Variants in ABLIM1 observed in about 807,000 individuals in gnomAD.
The protein encoded by ABLIM1 is actin binding LIM protein 1.
ABLIM1 carries 40 observed loss-of-function variants against 107.0 expected under a neutral mutation model. The ratio of observed to expected loss-of-function variants is 0.37; its 90% CI spans 0.29 to 0.49. The LOEUF (loss-of-function observed/expected upper bound fraction) is 0.49. Among genes scored for constraint, ABLIM1 ranks in the 20% least tolerant of loss-of-function variants. ABLIM1 has a pLI of 0.97. For synonymous variants in ABLIM1, 357 were observed against 357.3 expected (o/e 1.00, Z 0.01); for missense variants, 857 against 1,008.5 (o/e 0.85, Z 2.04).
intron 6 of ABLIM1, among the ~76,000 whole-genome samples, chr10:114,532,332 C>T (rs749262505): frequency 1.3e-5 from 2 of 152,204 alleles, no homozygotes; most frequent in African/African-American, 2.4e-5. Context: ...CAGTTCATTT[C>T]CGCTGGGCTG....
intron 8 of ABLIM1, among the ~76,000 whole-genome samples, chr10:114,474,582 G>A (rs1020898014): frequency 9.2e-5 from 14 of 151,986 alleles, no homozygotes; most frequent in African/African-American, 1.9e-4. Flanking sequence ...GGGTTTCACC[G>A]TGTTAGCCAG....
chr10:114,737,978 TA>T (rs765180292), intron 1 of ABLIM1, among the ~76,000 whole-genome samples: 45 of 152,196 alleles, frequency 3.0e-4, no homozygotes, highest in Non-Finnish European at 5.7e-4. Flanking sequence ...AAAAATTTAC[TA>T]AAACCCATCA....
At chr10:114,636,713 T>A (rs751418030) in intron 1 of ABLIM1, among the ~76,000 whole-genome samples, 6 of 151,594 alleles carry the variant, frequency 4.0e-5, no homozygotes, top group Admixed American at 2.6e-4. Context: ...GCAAGGAGGG[T>A]TTCATTCACA....
intron 1 of ABLIM1, among the ~76,000 whole-genome samples, chr10:114,700,434 C>A (rs751104472): frequency 2.0e-5 from 3 of 151,800 alleles, no homozygotes; most frequent in Non-Finnish European, 4.4e-5. Flanking sequence ...AGTTGACAAA[C>A]TGGTTTTAAA....
intron 2 of ABLIM1, among the ~76,000 whole-genome samples, chr10:114,587,555 T>C (rs551366818): frequency 5.3e-5 from 8 of 152,314 alleles, no homozygotes; most frequent in African/African-American, 1.4e-4. Flanking sequence ...TTCTAATTAA[T>C]GTTTAAAGTG....
chr10:114,715,213 A>G (rs1414688904), intron 1 of ABLIM1, among the ~76,000 whole-genome samples: 6 of 152,188 alleles, frequency 3.9e-5, no homozygotes, highest in African/African-American at 1.2e-4. Flanking sequence ...CTAAGGGCCA[A>G]AGGAATTAAA....
chr10:114,498,294 T>A (rs561733628), intron 6 of ABLIM1, among the ~76,000 whole-genome samples: 1 of 152,292 alleles, frequency 6.6e-6, no homozygotes, highest in Non-Finnish European at 1.5e-5. Flanking sequence ...CAAGCTCACA[T>A]AGTAGTGCTA....
At chr10:114,799,185 T>G in the ABLIM1 span, among the ~76,000 whole-genome samples, 6 of 152,222 alleles carry the variant, frequency 3.9e-5, no homozygotes, top group Non-Finnish European at 2.9e-5. Context: ...CAGGTCAATG[T>G]TACTCTCCTA....
In ABLIM1 at chr10:114,619,173, CT is replaced by C. The variant is rs539638328; in HGVS notation, c.245-17213del. 9.5e-5 allele frequency among the ~76,000 whole-genome samples: 14 copies of C among 147,292 alleles called. No individual in the cohort carries two copies. Among genetic ancestry groups the C allele is most frequent in the East Asian group, 2.0e-4 (1 of 5,040 alleles). ...CCAAAGCCCTTAAATTATATTTTTT[CT>C]TTTTTTTTTCTTTCTCTTTCTTTCT... On this transcript the variant is annotated intron_variant, in intron 1 of 22. Transcript: ENST00000533213. The surrounding 1 kb of genome is among the most constrained non-coding windows in gnomAD (Gnocchi z 4.1).
intron 12 of ABLIM1, among the ~76,000 whole-genome samples, chr10:114,456,306 T>C (rs1052149848): frequency 1.3e-5 from 2 of 152,220 alleles, no homozygotes; most frequent in African/African-American, 4.8e-5. Context: ...AACACCCCTT[T>C]TATAAGTTTC....
intron 8 of ABLIM1, among the ~76,000 whole-genome samples, chr10:114,479,475 T>C (rs1160366598): frequency 6.6e-6 from 1 of 152,192 alleles, no homozygotes; most frequent in Non-Finnish European, 1.5e-5. Flanking sequence ...CTTCCCCTCC[T>C]TGAGAACTCT....
chr10:114,525,220 G>T (rs955632139), intron 6 of ABLIM1, among the ~76,000 whole-genome samples: 3 of 152,246 alleles, frequency 2.0e-5, no homozygotes, highest in African/African-American at 7.2e-5. Context: ...TAATGCTGAG[G>T]TTGAGAAACC....
chr10:114,654,893 C>T (rs2079428255), intron 1 of ABLIM1, among the ~76,000 whole-genome samples: 1 of 152,180 alleles, frequency 6.6e-6, no homozygotes, highest in Non-Finnish European at 1.5e-5. Context: ...GAGCTGGCTC[C>T]ATTCTAGGGG....
intron 2 of ABLIM1, among the ~76,000 whole-genome samples, chr10:114,596,924 C>T (rs575937418): frequency 1.3e-5 from 2 of 152,248 alleles, no homozygotes; most frequent in East Asian, 3.9e-4. Flanking sequence ...ACAAGGTATA[C>T]ATGTGAAGGA....
intron 10 of ABLIM1, among the ~76,000 whole-genome samples, chr10:114,469,781 G>A (rs1014382705): frequency 2.0e-5 from 3 of 152,246 alleles, no homozygotes; most frequent in Non-Finnish European, 4.4e-5. Flanking sequence ...AGTTGCTCAA[G>A]TATTTTCCAG....
rs56931034 is a variant in ABLIM1, at chr10:114,566,771, G to A, written c.673+4526C>T. ...GAATAACTTCCTAATGATTTTGGCC[G>A]GGCATGGTGGCTCACGCCTGTAATC... On this transcript the variant is annotated intron_variant, in intron 4 of 22. Transcript: ENST00000533213. Among the ~76,000 whole-genome samples, 10 of 152,110 alleles carry A rather than the reference G, an allele frequency of 6.6e-5. No homozygotes were observed. The South Asian group carries it at 1.5e-3, about 22-fold the overall frequency.
At chr10:114,558,476 C>A (rs940896385) in intron 4 of ABLIM1, among the ~76,000 whole-genome samples, 4 of 152,142 alleles carry the variant, frequency 2.6e-5, no homozygotes, top group African/African-American at 9.7e-5. Flanking sequence ...TGAATGGCCC[C>A]CACACCTGCT....
At chr10:114,460,909 T>C (rs1471062348) in intron 12 of ABLIM1, among the ~76,000 whole-genome samples, 1 of 152,244 alleles carries the variant, frequency 6.6e-6, no homozygotes, top group East Asian at 1.9e-4. Flanking sequence ...GGACAAACTG[T>C]GTAACTTTAT....
intron 1 of ABLIM1, among the ~76,000 whole-genome samples, chr10:114,716,842 T>TAAA (rs34567416): frequency 7.4e-6 from 1 of 134,558 alleles, no homozygotes; most frequent in East Asian, 2.2e-4. Context: ...CTGGAACTGT[T>TAAA]AAAAAAAAAA....
Sources: gnomAD v4.1 joint callset for allele counts (sites outside exome capture counted in the v4.1 genomes callset) on GRCh38, gnomAD v4.1.1 for gene constraint, Gnocchi (gnomAD v3.1) non-coding constraint, MANE v1.5 for transcripts, NCBI Gene and HGNC (gene_info 2026-07-23, HGNC 2026-07-21) for gene names.